The following CAST variants were observed in gnomAD, a reference collection of about 807,000 sequenced individuals.
CAST encodes calpastatin.
A neutral mutation model predicts 119.6 loss-of-function variants in CAST; 76 were observed. That is an observed-to-expected ratio of 0.64 (90% confidence interval 0.53 to 0.77). CAST has a LOEUF of 0.77. Ranked by LOEUF, CAST falls within the 30% of genes least tolerant of loss-of-function variation. The pLI, the probability that CAST is intolerant of heterozygous loss-of-function variation, is 0.00. For synonymous variants in CAST, 319 were observed against 331.6 expected, an observed-to-expected ratio of 0.96 and a Z score of 0.41; for missense variants, 953 against 946.5, an observed-to-expected ratio of 1.01 and a Z score of -0.09.
the CAST span, chr5:96,429,109 TA>T: frequency 0.029 from 17,127 of 600,082 alleles, 297 homozygotes; most frequent in African/African-American, 0.094. Context: ...TTGGTCACAA[TA>T]AAAAAAAAAC....
At chr5:96,368,273 G>A in the CAST span, among the ~76,000 whole-genome samples, 5 of 151,888 alleles carry the variant, frequency 3.3e-5, no homozygotes, top group Non-Finnish European at 7.4e-5. Context: ...GCCAATGCGG[G>A]TGGATCACCT....
chr5:96,267,043 G>T, the CAST span, among the ~76,000 whole-genome samples: 1 of 152,140 alleles, frequency 6.6e-6, no homozygotes, highest in Non-Finnish European at 1.5e-5. Flanking sequence ...AAATGTATTA[G>T]AGGCTCTCAA....
At chr5:96,738,790 T>G (rs1337878383) in intron 11 of CAST, among the ~76,000 whole-genome samples, 1 of 151,594 alleles carries the variant, frequency 6.6e-6, no homozygotes, top group Non-Finnish European at 1.5e-5. Context: ...AAAAAATTAG[T>G]CAGGAATGTT....
intron 1 of CAST, among the ~76,000 whole-genome samples, chr5:96,604,057 A>G (rs1747208846): frequency 6.6e-6 from 1 of 151,756 alleles, no homozygotes; most frequent in Non-Finnish European, 1.5e-5. Flanking sequence ...AAGCCACCCC[A>G]CCTGGCCCCT....
chr5:96,247,219 G>A, the CAST span, among the ~76,000 whole-genome samples: 1 of 152,236 alleles, frequency 6.6e-6, no homozygotes, highest in Admixed American at 6.5e-5. Context: ...TTTGCAGGCG[G>A]TGGTACTAAA....
At chr5:96,453,860 T>C in the CAST span, among the ~76,000 whole-genome samples, 1 of 152,120 alleles carries the variant, frequency 6.6e-6, no homozygotes. Flanking sequence ...AGTAGCATAT[T>C]TGTTACTCCA....
the CAST span, among the ~76,000 whole-genome samples, chr5:96,276,072 T>C: frequency 7.2e-5 from 11 of 152,230 alleles, no homozygotes; most frequent in African/African-American, 2.4e-4. Context: ...TAACCCACCA[T>C]GTTTACATGC....
At chr5:96,567,598 T>C (rs1279562819) in intron 1 of CAST, among the ~76,000 whole-genome samples, 1 of 152,202 alleles carries the variant, frequency 6.6e-6, no homozygotes, top group African/African-American at 2.4e-5. Context: ...ATTCTGTTTG[T>C]ACTTAACCAT....
At chr5:96,089,529 G>A in the CAST span, among the ~76,000 whole-genome samples, 1 of 152,314 alleles carries the variant, frequency 6.6e-6, no homozygotes, top group South Asian at 2.1e-4. Flanking sequence ...TTTAATAATT[G>A]TTAAAAGGAT....
chr5:96,203,804 A>G, the CAST span, among the ~76,000 whole-genome samples: 3 of 151,974 alleles, frequency 2.0e-5, no homozygotes, highest in Non-Finnish European at 4.4e-5. Flanking sequence ...GGAAGCATTT[A>G]ATAATAATAA....
At chr5:96,048,276 G>C in the CAST span, among the ~76,000 whole-genome samples, 1 of 152,126 alleles carries the variant, frequency 6.6e-6, no homozygotes, top group African/African-American at 2.4e-5. Context: ...CTGAGAAAAG[G>C]CCAGAGTAAA....
the CAST span, among the ~76,000 whole-genome samples, chr5:96,149,201 T>C: frequency 6.6e-6 from 1 of 152,240 alleles, no homozygotes; most frequent in Admixed American, 6.5e-5. Context: ...AAGCTGTGTG[T>C]ACACTGCAGG....
the CAST span, among the ~76,000 whole-genome samples, chr5:96,304,293 GTTGT>G: frequency 0.025 from 3,779 of 152,200 alleles, 164 homozygotes; most frequent in African/African-American, 0.086. Flanking sequence ...TTTTGATGGG[GTTGT>G]TTGTTTATTT....
the CAST span, among the ~76,000 whole-genome samples, chr5:96,310,294 G>T: frequency 1.3e-5 from 2 of 152,132 alleles, no homozygotes; most frequent in Non-Finnish European, 2.9e-5. Flanking sequence ...CTTGATCATG[G>T]TGTGTGATCC....
intron 25 of CAST, among the ~76,000 whole-genome samples, chr5:96,764,423 C>A (rs919646472): frequency 6.6e-6 from 1 of 152,086 alleles, no homozygotes; most frequent in Non-Finnish European, 1.5e-5. Context: ...ATATTGTTGT[C>A]CATAATTTTT....
the CAST span, among the ~76,000 whole-genome samples, chr5:96,034,506 C>T: frequency 5.9e-5 from 7 of 118,712 alleles, no homozygotes; most frequent in African/African-American, 1.4e-4. Context: ...CACACACACA[C>T]ATATGTGTGT....
At chr5:96,730,034 T>G (rs1760130000) in intron 8 of CAST, among the ~76,000 whole-genome samples, 1 of 149,650 alleles carries the variant, frequency 6.7e-6, no homozygotes, top group Admixed American at 6.7e-5. Context: ...CAGGCAGCTT[T>G]GGATTGAGGC....
At chr5:96,655,788 A>G (rs1394922703) in intron 1 of CAST, among the ~76,000 whole-genome samples, 5 of 152,244 alleles carry the variant, frequency 3.3e-5, no homozygotes, top group Non-Finnish European at 7.3e-5. Flanking sequence ...CAGAAGTTGA[A>G]TATCAGAATA....
chr5:96,478,130 C>T, the CAST span, among the ~76,000 whole-genome samples: 27 of 152,212 alleles, frequency 1.8e-4, no homozygotes, highest in African/African-American at 6.5e-4. Flanking sequence ...TCGCAATTTT[C>T]ACGATTTATT....
Sources: allele counts gnomAD v4.1 joint callset (sites outside exome capture counted in the v4.1 genomes callset), GRCh38; gene constraint gnomAD v4.1.1; transcripts MANE v1.5; gene names NCBI Gene and HGNC (gene_info 2026-07-23, HGNC 2026-07-21).